The following NEBL variants were observed in gnomAD, a reference collection of about 807,000 sequenced individuals.
The protein encoded by NEBL is LIM and SH3 protein 2.
In NEBL, 122 loss-of-function variants were observed where a neutral mutation model predicts 140.2. The ratio of observed to expected loss-of-function variants is 0.87; its 90% CI spans 0.75 to 1.01. NEBL has a LOEUF of 1.01. Ranked by LOEUF, NEBL falls within the 50% of genes least tolerant of loss-of-function variation. The pLI, the probability that NEBL is intolerant of heterozygous loss-of-function variation, is 0.00. For synonymous variants in NEBL, 436 were observed against 398.9 expected, an observed-to-expected ratio of 1.09 and a Z score of -1.11; for missense variants, 1,365 against 1,231.3, an observed-to-expected ratio of 1.11 and a Z score of -1.62.
chr10:21,257,479 T>G (rs1383612413), intron 1 of NEBL, among the ~76,000 whole-genome samples: 1 of 152,206 alleles, frequency 6.6e-6, no homozygotes, highest in Non-Finnish European at 1.5e-5. Context: ...GCCTGGCACA[T>G]AATAGCTAGT....
intron 18 of NEBL, among the ~76,000 whole-genome samples, chr10:20,825,289 T>A (rs1421595783): frequency 6.6e-6 from 1 of 152,142 alleles, no homozygotes; most frequent in African/African-American, 2.4e-5. Context: ...GAAGGTGCTC[T>A]TTCCAAGGAT....
chr10:21,092,586 TTAATAATAATAA>T (rs4025883), intron 2 of NEBL, among the ~76,000 whole-genome samples: 157 of 142,108 alleles, frequency 1.1e-3, no homozygotes, highest in African/African-American at 2.1e-3. Flanking sequence ...CCTCTATAAT[TTAATAATAATAA>T]TAATAATAAT....
At chr10:21,243,712 G>C (rs1006825614) in intron 3 of NEBL, among the ~76,000 whole-genome samples, 1 of 152,120 alleles carries the variant, frequency 6.6e-6, no homozygotes, top group Non-Finnish European at 1.5e-5. Flanking sequence ...CATGAGGTAG[G>C]GGGATTGAAC....
At chr10:21,189,012 A>G (rs193152346) in intron 3 of NEBL, among the ~76,000 whole-genome samples, 3 of 152,314 alleles carry the variant, frequency 2.0e-5, no homozygotes, top group Admixed American at 2.0e-4. Context: ...TTTAAATAAA[A>G]ATATTGGAAA....
intron 3 of NEBL, among the ~76,000 whole-genome samples, chr10:21,209,413 C>T (rs1449714813): frequency 6.6e-6 from 1 of 152,146 alleles, no homozygotes; most frequent in Non-Finnish European, 1.5e-5. Flanking sequence ...TTTGCTAAAT[C>T]TGGAAAGTCT....
At chr10:21,081,648 C>T (rs1836374360) in intron 2 of NEBL, among the ~76,000 whole-genome samples, 1 of 152,154 alleles carries the variant, frequency 6.6e-6, no homozygotes, top group Non-Finnish European at 1.5e-5. Flanking sequence ...TTTCCAAAGA[C>T]TGTTCTTCAC....
At chr10:20,790,790 G>T (rs189928944) in intron 26 of NEBL, among the ~76,000 whole-genome samples, 3 of 152,262 alleles carry the variant, frequency 2.0e-5, no homozygotes, top group African/African-American at 7.2e-5. Flanking sequence ...GAAATCTAAA[G>T]CAATGGCTTC....
intron 2 of NEBL, among the ~76,000 whole-genome samples, chr10:21,250,711 G>A (rs1313329371): frequency 4.0e-5 from 6 of 151,782 alleles, no homozygotes; most frequent in Non-Finnish European, 8.8e-5. Flanking sequence ...AGGGGTTCAA[G>A]ACCAGCCTGG....
intron 1 of NEBL, among the ~76,000 whole-genome samples, chr10:21,284,966 A>G (rs1273478240): frequency 6.6e-6 from 1 of 152,168 alleles, no homozygotes; most frequent in African/African-American, 2.4e-5. Flanking sequence ...TGGAAGACTG[A>G]GGCAGGAGGA....
Position 20,826,481 on chromosome 10 carries a change from T to C in NEBL, c.1835A>G (p.Glu612Gly). 1 of 1,613,072 alleles carries C rather than the reference T, an allele frequency of 6.2e-7. No homozygotes were observed. Among genetic ancestry groups the C allele is most frequent in the Non-Finnish European group, 8.5e-7 (1 of 1,179,282 alleles). The change falls in exon 18 of 28, where the codon GAA becomes GGA. Residue 612 changes from glutamate (E) to glycine (G), a missense_variant. By Grantham distance (98) the Glu-to-Gly change is moderately conservative. This residue lies in a region of NEBL where 1,323 missense variants were observed against 1,154.8 expected (regional missense o/e 1.15). Coordinates refer to ENST00000377122, the MANE Select transcript of NEBL (RefSeq NM_006393.3). Reference protein sequence around the residue: ...GTAVKDSPEIERVKKNQQNIS... With the variant: ...GTAVKDSPEIGRVKKNQQNIS... Reference sequence around the variant, plus strand: ...ATTCTGCTGATTTTTCTTCACTCGTTCGATCTCTGGGCTATCTTTCACTGC... The same window carrying C: ...ATTCTGCTGATTTTTCTTCACTCGTCCGATCTCTGGGCTATCTTTCACTGC...
At chr10:20,995,931 G>GA (rs77779178) in intron 3 of NEBL, among the ~76,000 whole-genome samples, 33 of 149,706 alleles carry the variant, frequency 2.2e-4, no homozygotes, top group Middle Eastern at 3.4e-3. Flanking sequence ...AGTTTATTAT[G>GA]AAAAAAAAAA....
intron 3 of NEBL, among the ~76,000 whole-genome samples, chr10:20,987,180 T>A (rs1039171491): frequency 2.6e-5 from 4 of 152,016 alleles, no homozygotes; most frequent in Non-Finnish European, 5.9e-5. Flanking sequence ...ACAAACAAGA[T>A]CATTGCTTCT....
At chr10:21,287,843 C>T (rs899528570) in intron 1 of NEBL, among the ~76,000 whole-genome samples, 1 of 152,012 alleles carries the variant, frequency 6.6e-6, no homozygotes, top group African/African-American at 2.4e-5. Flanking sequence ...GTACAGCTGT[C>T]AACCAACTGC....
At chr10:20,914,868 T>C (rs1469403082) in intron 4 of NEBL, among the ~76,000 whole-genome samples, 4 of 152,258 alleles carry the variant, frequency 2.6e-5, no homozygotes, top group South Asian at 4.1e-4. Flanking sequence ...TGTTTTGTTT[T>C]GTTTTTTGAG....
intron 2 of NEBL, among the ~76,000 whole-genome samples, chr10:21,050,914 G>C (rs1220723091): frequency 6.6e-6 from 1 of 152,126 alleles, no homozygotes; most frequent in Admixed American, 6.5e-5. Flanking sequence ...GATTCCCTGA[G>C]TCTTACACAC....
intron 9 of NEBL, among the ~76,000 whole-genome samples, chr10:20,855,344 C>A (rs764348006): frequency 6.6e-6 from 1 of 150,494 alleles, no homozygotes; most frequent in Non-Finnish European, 1.5e-5. Flanking sequence ...ATAAAATAAT[C>A]ATGAATGTAA....
chr10:20,920,054 G>A lies in NEBL; in HGVS notation c.357+41618C>T, dbSNP rs187286262. ...AATGGTCCTTAGTGTAAGAGAGGAC[G>A]CCCAAGCTTCTTACTGGTGATAAGA... On this transcript the variant is annotated intron_variant, in intron 4 of 6. Transcript: ENST00000417816. Among the ~76,000 whole-genome samples, 306 of 152,278 alleles carry A rather than the reference G, an allele frequency of 2.0e-3. 1 individual carries two copies. The highest frequency in any genetic ancestry group is 3.1e-3 in the Non-Finnish European group (211 of 67,994).
upstream of NEBL, among the ~76,000 whole-genome samples, chr10:20,902,159 T>C (rs1325124396): frequency 6.6e-6 from 1 of 152,068 alleles, no homozygotes; most frequent in East Asian, 1.9e-4. Context: ...ATCCCAGCAC[T>C]TTGGGAGACC....
intron 3 of NEBL, among the ~76,000 whole-genome samples, chr10:21,235,565 T>G (rs117547737): frequency 0.18 from 27,433 of 152,034 alleles, 2,727 homozygotes; most frequent in African/African-American, 0.25. Context: ...TGCAGCCACC[T>G]CAGCCTCCCA....
Sources: allele counts gnomAD v4.1 joint callset (sites outside exome capture counted in the v4.1 genomes callset), GRCh38; gene constraint gnomAD v4.1.1; regional missense constraint gnomAD v4.1.1; transcripts MANE v1.5; gene names NCBI Gene and HGNC (gene_info 2026-07-23, HGNC 2026-07-21).